Variants in ASPH observed in about 807,000 individuals in gnomAD.
The protein encoded by ASPH is aspartate beta-hydroxylase.
Under a neutral mutation model 118.4 loss-of-function variants are expected in ASPH, and 100 were observed. That is an observed-to-expected ratio of 0.84 (90% CI 0.72 to 1.00). The LOEUF (loss-of-function observed/expected upper bound fraction) is 1.00. ASPH is among the 50% of genes least tolerant of loss of function. The pLI is 0.00. For missense variants in ASPH, 920 were observed against 919.5 expected (o/e 1.00, Z -0.01); for synonymous variants, 315 against 325.6 (o/e 0.97, Z 0.35).
intron 22 of ASPH, among the ~76,000 whole-genome samples, chr8:61,519,542 A>C (rs1485406769): frequency 6.6e-6 from 1 of 152,244 alleles, no homozygotes; most frequent in African/African-American, 2.4e-5. Flanking sequence ...TAACCTGTGA[A>C]TATGTTGTCT....
chr8:61,683,837 C>G (rs1589157256), intron 2 of ASPH: 1 of 509,402 alleles, frequency 2.0e-6, no homozygotes, highest in African/African-American at 1.9e-5. Flanking sequence ...TTTTCAAAAA[C>G]CTACAGGTCA....
intron 17 of ASPH, 70 bp downstream of exon 17, chr8:61,567,098 T>C: frequency 6.5e-7 from 1 of 1,536,438 alleles, no homozygotes; most frequent in Non-Finnish European, 8.8e-7. Context: ...AAGAGAAGAA[T>C]ACACTCTTCA....
chr8:61,588,444 C>T (rs1840104668), intron 14 of ASPH, among the ~76,000 whole-genome samples: 1 of 152,202 alleles, frequency 6.6e-6, no homozygotes, highest in African/African-American at 2.4e-5. Context: ...TTTTATACTA[C>T]AGTCCATGGG....
At chr8:61,609,729 C>T (rs904684903) in intron 14 of ASPH, among the ~76,000 whole-genome samples, 1 of 152,092 alleles carries the variant, frequency 6.6e-6, no homozygotes, top group Non-Finnish European at 1.5e-5. Context: ...ACTGGACCTA[C>T]CATTATATTA....
intron 16 of ASPH, among the ~76,000 whole-genome samples, chr8:61,576,250 A>G (rs923561277): frequency 3.3e-5 from 5 of 152,230 alleles, no homozygotes; most frequent in African/African-American, 1.2e-4. Context: ...GAAAGGGGAC[A>G]TGCTTCATGA....
intron 24 of ASPH, among the ~76,000 whole-genome samples, chr8:61,511,715 T>C (rs934912567): frequency 4.6e-5 from 7 of 152,246 alleles, no homozygotes; most frequent in Admixed American, 6.5e-5. Flanking sequence ...GTGATTCTCC[T>C]GCTTCAGCCT....
chr8:61,674,109 T>C (rs1197005321), intron 3 of ASPH, among the ~76,000 whole-genome samples: 1 of 152,204 alleles, frequency 6.6e-6, no homozygotes, highest in Non-Finnish European at 1.5e-5. Flanking sequence ...TTACTTCTTA[T>C]CAATTAATCG....
At chr8:61,623,265 C>T (rs747658459) in intron 13 of ASPH, among the ~76,000 whole-genome samples, 70 of 152,202 alleles carry the variant, frequency 4.6e-4, no homozygotes, top group Non-Finnish European at 9.1e-4. Flanking sequence ...GGTGAGATAT[C>T]TCAAGGTAGT....
intron 1 of ASPH, among the ~76,000 whole-genome samples, chr8:61,705,993 T>C (rs1836521761): frequency 6.6e-6 from 1 of 152,222 alleles, no homozygotes; most frequent in African/African-American, 2.4e-5. Context: ...TACATATTTT[T>C]TAAGTTTCAT....
chr8:61,674,811 A>G (rs1355668137), intron 3 of ASPH, among the ~76,000 whole-genome samples: 1 of 152,248 alleles, frequency 6.6e-6, no homozygotes, highest in Non-Finnish European at 1.5e-5. Context: ...AAATATTTGA[A>G]AAGTAGAAAT....
intron 1 of ASPH, among the ~76,000 whole-genome samples, chr8:61,711,980 TCAACTC>T (rs551990121): frequency 4.2e-4 from 64 of 152,296 alleles, no homozygotes; most frequent in Non-Finnish European, 6.3e-4. Flanking sequence ...ATAATCTAGT[TCAACTC>T]CAATTACATA....
chr8:61,683,881 T>C, intron 2 of ASPH, 158 bp downstream of exon 2: 1 of 827,442 alleles, frequency 1.2e-6, no homozygotes, highest in Non-Finnish European at 1.8e-6. Context: ...TACTCCAAGG[T>C]AACCTTCTTC....
At chr8:61,665,210 T>C in intron 3 of ASPH, 1 of 1,531,582 alleles carries the variant, frequency 6.5e-7, no homozygotes, top group Non-Finnish European at 8.7e-7. Flanking sequence ...CAAACTGCAA[T>C]CTGGAACATG....
chr8:61,572,578 C>T (rs1833777886), intron 16 of ASPH, among the ~76,000 whole-genome samples: 1 of 152,174 alleles, frequency 6.6e-6, no homozygotes, highest in Admixed American at 6.5e-5. Context: ...AGCCTTGAGT[C>T]CTCTTCCTCT....
intron 15 of ASPH, among the ~76,000 whole-genome samples, chr8:61,583,718 C>T (rs1004184360): frequency 2.0e-4 from 30 of 152,288 alleles, no homozygotes; most frequent in African/African-American, 6.0e-4. Flanking sequence ...GGCTGACACC[C>T]GCATCGGCTG....
intron 3 of ASPH, chr8:61,668,204 C>G: frequency 6.3e-7 from 1 of 1,578,890 alleles, no homozygotes; most frequent in Non-Finnish European, 8.7e-7. Flanking sequence ...ACTTGATTCA[C>G]TCAAGGCTAA....
Position 61,555,124 on chromosome 8 carries a change from T to C in ASPH, c.1536+800A>G, listed in dbSNP as rs1338598953. ...AAAAGGCATATTTTAATTTGAATAT[T>C]TTGAGCAATGACCTTTTCAGCCAGT... On this transcript the variant is annotated intron_variant, in intron 19 of 24. Transcript: ENST00000379454. Among the ~76,000 whole-genome samples, 2 of 152,192 alleles carry C rather than the reference T, an allele frequency of 1.3e-5. 1 individual carries two copies.
At position 61,632,502 on chromosome 8, in the gene ASPH, C is replaced by T. The variant is rs1029256479; in HGVS notation, c.934+1181G>A. 3.3e-5 allele frequency among the ~76,000 whole-genome samples: 5 copies of T among 152,196 alleles called. No homozygotes were observed. The South Asian group carries it at 6.2e-4, about 19-fold the overall frequency. On this transcript the variant is annotated intron_variant, in intron 13 of 24. Transcript: ENST00000379454. ...CAGTATTCAAAAATGAAAAGGAAAC[C>T]AGCAGAAGGACATAAATATCAGCTG...
At chr8:61,564,839 G>C (rs563630853) in intron 17 of ASPH, among the ~76,000 whole-genome samples, 6 of 152,268 alleles carry the variant, frequency 3.9e-5, no homozygotes, top group African/African-American at 1.4e-4. Flanking sequence ...AAACTGATAG[G>C]AGGGTCCATT....
Sources: allele counts gnomAD v4.1 joint callset (sites outside exome capture counted in the v4.1 genomes callset), GRCh38; gene constraint gnomAD v4.1.1; transcripts MANE v1.5; gene names NCBI Gene and HGNC (gene_info 2026-07-23, HGNC 2026-07-21).